Variants in LRMDA observed in about 807,000 individuals in gnomAD.
The protein encoded by LRMDA is leucine-rich melanocyte differentiation-associated protein.
A neutral mutation model predicts 29.8 loss-of-function variants in LRMDA; 18 were observed. That is an observed-to-expected ratio of 0.60 (90% CI 0.42 to 0.90). LRMDA has a LOEUF of 0.90. Among genes scored for constraint, LRMDA ranks in the 40% least tolerant of loss-of-function variants. LRMDA has a pLI of 0.00. For missense variants in LRMDA, 273 were observed against 273.9 expected (o/e 1.00, Z 0.02); for synonymous variants, 125 against 109.4 (o/e 1.14, Z -0.89).
intron 2 of LRMDA, among the ~76,000 whole-genome samples, chr10:75,706,904 G>C (rs2132173936): frequency 6.6e-6 from 1 of 152,150 alleles, no homozygotes; most frequent in South Asian, 2.1e-4. Context: ...GTATACTCTT[G>C]GATAAGCATT....
At chr10:75,987,545 C>A (rs752731161) in intron 2 of LRMDA, among the ~76,000 whole-genome samples, 1 of 152,180 alleles carries the variant, frequency 6.6e-6, no homozygotes, top group Non-Finnish European at 1.5e-5. Flanking sequence ...TTGTGAAGGT[C>A]GTGTGGATGA....
Position 75,758,328 on chromosome 10 carries a change from C to G in LRMDA, c.132-277680C>G, listed in dbSNP as rs569249721. On this transcript the variant is annotated intron_variant, in intron 2 of 6. Transcript: ENST00000611255. ...AAGTCGGAAACTAAGTTCTCACGTC[C>G]AGTCTCCTGCCCACTGTGAGGAATG... is the stretch of plus-strand genomic sequence containing the variant. Among the ~76,000 whole-genome samples, 12 of 152,340 alleles carry G rather than the reference C, an allele frequency of 7.9e-5. No individual in the cohort carries two copies. In the South Asian group the frequency reaches 2.5e-3, roughly 32 times the overall value.
intron 2 of LRMDA, among the ~76,000 whole-genome samples, chr10:75,788,596 G>A (rs1158007347): frequency 6.6e-6 from 1 of 152,214 alleles, no homozygotes; most frequent in Non-Finnish European, 1.5e-5. Flanking sequence ...TTTGCAAGCC[G>A]ATTGTCTTGA....
At chr10:76,440,853 C>T (rs1021639659) in intron 6 of LRMDA, among the ~76,000 whole-genome samples, 1 of 152,102 alleles carries the variant, frequency 6.6e-6, no homozygotes, top group South Asian at 2.1e-4. Flanking sequence ...CATATTTATT[C>T]CTGTGTACCG....
intron 6 of LRMDA, among the ~76,000 whole-genome samples, chr10:76,472,988 A>C (rs2132318743): frequency 6.6e-6 from 1 of 151,784 alleles, no homozygotes; most frequent in East Asian, 1.9e-4. Flanking sequence ...AAGTCTTCCC[A>C]AAATAGAGAA....
At chr10:76,431,604 A>G (rs1050937768) in intron 6 of LRMDA, among the ~76,000 whole-genome samples, 1 of 152,192 alleles carries the variant, frequency 6.6e-6, no homozygotes, top group African/African-American at 2.4e-5. Flanking sequence ...CAATAATAAG[A>G]GTATAATCAG....
intron 6 of LRMDA, among the ~76,000 whole-genome samples, chr10:76,425,224 G>A (rs777569310): frequency 1.3e-5 from 2 of 152,096 alleles, no homozygotes; most frequent in Admixed American, 6.5e-5. Flanking sequence ...CAGAAAAAAA[G>A]GTCTAGATCT....
chr10:75,434,816 TCTC>T (rs1299998205), intron 1 of LRMDA, among the ~76,000 whole-genome samples: 2 of 152,164 alleles, frequency 1.3e-5, no homozygotes, highest in Non-Finnish European at 2.9e-5. Context: ...CAAAAAATAA[TCTC>T]CTCAACATCT....
At chr10:75,568,488 C>T (rs906458225) in intron 2 of LRMDA, among the ~76,000 whole-genome samples, 6 of 152,188 alleles carry the variant, frequency 3.9e-5, no homozygotes, top group Non-Finnish European at 5.9e-5. Context: ...TACTTATTCT[C>T]CTAGTTTTCC....
intron 6 of LRMDA, among the ~76,000 whole-genome samples, chr10:76,530,148 A>G (rs1843218859): frequency 6.6e-6 from 1 of 152,198 alleles, no homozygotes; most frequent in African/African-American, 2.4e-5. Flanking sequence ...TAAAGGTCCC[A>G]GGAGATTGAT....
chr10:76,388,427 A>G (rs1841685816), intron 6 of LRMDA, among the ~76,000 whole-genome samples: 1 of 152,232 alleles, frequency 6.6e-6, no homozygotes, highest in African/African-American at 2.4e-5. Flanking sequence ...AATGATCTGA[A>G]GACTCATGTT....
intron 5 of LRMDA, among the ~76,000 whole-genome samples, chr10:76,176,220 AAC>A (rs1184678716): frequency 3.3e-5 from 5 of 152,178 alleles, no homozygotes; most frequent in African/African-American, 1.2e-4. Flanking sequence ...GACACTTTTC[AAC>A]ACTCTGTCCT....
rs1272236926 is a variant in LRMDA at position 76,559,268 on chromosome 10, A to AATG, written c.*1981_*1983dup. On this transcript the variant is annotated 3_prime_UTR_variant, in exon 7 of 7. Coordinates refer to ENST00000611255, the MANE Select transcript of LRMDA (RefSeq NM_001305581.2). ...TTTTTCTTACTTGTTTACTTTTTTTAATGTCAGAACCATTTGTATCATGCG... is the reference window on the plus strand; with the variant it reads ...TTTTTCTTACTTGTTTACTTTTTTTAATGATGTCAGAACCATTTGTATCATGCG... 2.6e-5 allele frequency: 4 copies of AATG among 152,136 alleles called. No homozygotes were observed. The highest frequency in any genetic ancestry group is 9.7e-5 in the African/African-American group (4 of 41,424). 9.4% of individuals were successfully genotyped at this position (152,136 alleles called of 1,614,324 possible).
At chr10:75,452,706 T>C (rs1743970051) in intron 2 of LRMDA, among the ~76,000 whole-genome samples, 1 of 152,014 alleles carries the variant, frequency 6.6e-6, no homozygotes, top group Non-Finnish European at 1.5e-5. Context: ...GAGATTTCAC[T>C]GGATAGGTTT....
chr10:76,009,695 A>C (rs1037582025), intron 2 of LRMDA, among the ~76,000 whole-genome samples: 2 of 152,162 alleles, frequency 1.3e-5, no homozygotes, highest in African/African-American at 4.8e-5. Context: ...CTTTGTGGTC[A>C]TCTCGGCCAG....
chr10:75,511,149 G>A (rs912584386), intron 2 of LRMDA, among the ~76,000 whole-genome samples: 3 of 152,008 alleles, frequency 2.0e-5, no homozygotes, highest in Non-Finnish European at 4.4e-5. Context: ...GCGACATGGC[G>A]AAACCTCATC....
At chr10:76,367,386 A>G (rs1841403088) in intron 6 of LRMDA, among the ~76,000 whole-genome samples, 2 of 151,100 alleles carry the variant, frequency 1.3e-5, no homozygotes, top group Admixed American at 1.3e-4. Flanking sequence ...CTGGTCCTGG[A>G]CTTTTTGTTG....
At chr10:75,973,665 C>A (rs1368267903) in intron 2 of LRMDA, among the ~76,000 whole-genome samples, 1 of 152,142 alleles carries the variant, frequency 6.6e-6, no homozygotes, top group East Asian at 1.9e-4. Flanking sequence ...GGTGATCCAC[C>A]CGCCTTGGCC....
intron 5 of LRMDA, among the ~76,000 whole-genome samples, chr10:76,227,248 G>A (rs1160762808): frequency 6.6e-6 from 1 of 152,210 alleles, no homozygotes; most frequent in East Asian, 1.9e-4. Context: ...TACCCAATAA[G>A]TAATATCAGT....
Sources: allele counts gnomAD v4.1 joint callset (sites outside exome capture counted in the v4.1 genomes callset), GRCh38; gene constraint gnomAD v4.1.1; transcripts MANE v1.5; gene names NCBI Gene and HGNC (gene_info 2026-07-23, HGNC 2026-07-21).